The following PCDHA9 variants were observed in gnomAD, a reference collection of about 807,000 sequenced individuals.
The protein encoded by PCDHA9 is protocadherin alpha 9.
In PCDHA9, 62 loss-of-function variants were observed where a neutral mutation model predicts 62.0. That is an observed-to-expected ratio of 1.00 (90% CI 0.81 to 1.23). The LOEUF is 1.23. PCDHA9 is among the 50% of genes most tolerant of loss of function. PCDHA9 has a pLI of 0.00. For synonymous variants in PCDHA9, 557 were observed against 567.6 expected (o/e 0.98, Z 0.27); for missense variants, 1,205 against 1,249.8 (o/e 0.96, Z 0.54).
At chr5:140,957,107 G>A in intron 1 of PCDHA9, among the ~76,000 whole-genome samples, 1 of 152,092 alleles carries the variant, frequency 6.6e-6, no homozygotes, top group East Asian at 1.9e-4. Context: ...CTATGGACAT[G>A]ATTCTGTGTG....
chr5:140,967,873 C>T lies in PCDHA9; in HGVS notation c.2395-11076C>T, dbSNP rs1554230047. On this transcript the variant is annotated intron_variant, in intron 1 of 3. Transcript: ENST00000532602. ...ATGCCCCAGAGGTGGTGCTCACGGA[C>T]CTGTATAGCCCAGTGCCTGAGAATG... 1.9e-6 allele frequency: 3 copies of T among 1,614,152 alleles called. No homozygotes were observed. In the Admixed American group the frequency reaches 5.0e-5, roughly 27 times the overall value.
chr5:140,925,124 A>AGGAAGGAAGGAAGGAAGGAAGG, intron 1 of PCDHA9, among the ~76,000 whole-genome samples: 1 of 151,856 alleles, frequency 6.6e-6, no homozygotes, highest in South Asian at 2.1e-4. Flanking sequence ...GAAGGAAGGA[A>AGGAAGGAAGGAAGGAAGGAAGG]AAAAAATTTC....
rs782023174 is a variant in PCDHA9 at position 140,870,968 on chromosome 5, G to A, written c.2394+20079G>A. 39 of 1,613,492 alleles carry A rather than the reference G, an allele frequency of 2.4e-5. No homozygotes were observed. Among genetic ancestry groups the A allele is most frequent in the Admixed American group, 2.2e-4 (13 of 59,998 alleles). ...GCGGGCGGCTCGCGCATCCCGTTCC[G>A]CGTGGGGCTGTACACGGGCGAGATA... On this transcript the variant is annotated intron_variant, in intron 1 of 3. Transcript: ENST00000532602.
chr5:140,868,027 G>T (rs2050246308), intron 1 of PCDHA9: 1 of 151,988 alleles, frequency 6.6e-6, no homozygotes, highest in African/African-American at 2.4e-5. Context: ...AACCAATGTT[G>T]GTGACTTGGA....
At chr5:141,006,105 GT>G (rs79904017) in intron 3 of PCDHA9, among the ~76,000 whole-genome samples, 172 of 143,342 alleles carry the variant, frequency 1.2e-3, no homozygotes, top group East Asian at 2.0e-3. Context: ...ATGGTAAGGA[GT>G]TTTTTTTTTT....
chr5:140,883,179 C>A, intron 1 of PCDHA9: 4 of 1,613,776 alleles, frequency 2.5e-6, no homozygotes, highest in Non-Finnish European at 1.7e-6. Flanking sequence ...GAAATTAGGA[C>A]AAAAGGCAAA....
intron 1 of PCDHA9, chr5:140,856,366 G>A (rs1388631411): frequency 1.3e-6 from 2 of 1,598,482 alleles, no homozygotes; most frequent in Admixed American, 1.7e-5. Context: ...TCCACCTGGA[G>A]GTGATCGTGG....
At chr5:140,940,873 A>G (rs541083185) in intron 1 of PCDHA9, among the ~76,000 whole-genome samples, 10 of 152,352 alleles carry the variant, frequency 6.6e-5, no homozygotes, top group African/African-American at 2.4e-4. Context: ...CAGTGAGTGA[A>G]TACTACTGCT....
chr5:140,877,044 C>G (rs2056811009), intron 1 of PCDHA9: 2 of 1,612,634 alleles, frequency 1.2e-6, no homozygotes, highest in Non-Finnish European at 1.7e-6. Context: ...AGCCGCTAGA[C>G]CACGAGGAGC....
At chr5:140,868,592 C>T (rs1294333400) in intron 1 of PCDHA9, 1 of 152,974 alleles carries the variant, frequency 6.5e-6, no homozygotes, top group Non-Finnish European at 1.5e-5. Context: ...ATGTTTAACC[C>T]TAGTTTTTCA....
chr5:140,982,544 A>G lies in PCDHA9; in HGVS notation c.2523A>G (p.Thr841=), dbSNP rs781800144. 1.5e-5 allele frequency: 25 copies of G among 1,614,098 alleles called. No individual in the cohort carries two copies. Among genetic ancestry groups the G allele is most frequent in the Non-Finnish European group, 2.1e-5 (25 of 1,180,048 alleles). Residue 841 remains threonine (T), a synonymous_variant, in exon 3 of 4, where the codon ACA becomes ACG. Coordinates refer to ENST00000532602, the MANE Select transcript of PCDHA9 (RefSeq NM_031857.2). ...GAGGGCCTGATCAGCAGTGGCCAAC[A>G]GTATCCAGTGCAACACCAGGTAAAG... The part of the protein sequence containing the change: ...GPGGPDQQWP[T]VSSATPEPEA...
intron 3 of PCDHA9, among the ~76,000 whole-genome samples, chr5:141,008,824 T>C (rs1042258496): frequency 6.6e-6 from 1 of 152,186 alleles, no homozygotes; most frequent in African/African-American, 2.4e-5. Flanking sequence ...TACAACAGGA[T>C]TCCATCCTCT....
At chr5:140,881,085 A>G (rs1554171740) in intron 1 of PCDHA9, among the ~76,000 whole-genome samples, 1 of 152,156 alleles carries the variant, frequency 6.6e-6, no homozygotes, top group East Asian at 1.9e-4. Flanking sequence ...GCTATGATAT[A>G]TTTTTCATTA....
intron 1 of PCDHA9, among the ~76,000 whole-genome samples, chr5:140,888,497 A>C (rs2061848830): frequency 6.6e-6 from 1 of 152,250 alleles, no homozygotes; most frequent in Non-Finnish European, 1.5e-5. Flanking sequence ...ACTCTGCTTT[A>C]AAGAGTCTTG....
Position 140,928,713 on chromosome 5 carries a change from T to C in PCDHA9, c.2395-50236T>C, listed in dbSNP as rs535812769. The C allele has an allele frequency of 3.1e-6, 5 of 1,614,142 alleles. No individual in the cohort carries two copies. In the African/African-American group the frequency reaches 6.7e-5, roughly 22 times the overall value. ...ACATCTCCCGGGCGTCTGACTCTAG[T>C]CTCTTTAGAATTTCAGCCAATATAG... On this transcript the variant is annotated intron_variant, in intron 1 of 3. Coordinates refer to ENST00000532602, the MANE Select transcript of PCDHA9 (RefSeq NM_031857.2).
chr5:140,858,176 G>A, intron 1 of PCDHA9: 1 of 1,597,746 alleles, frequency 6.3e-7, no homozygotes, highest in Non-Finnish European at 8.6e-7. Flanking sequence ...CAGCTTGCTG[G>A]TGCTCACGCT....
At chr5:140,944,566 A>G (rs782290531) in intron 1 of PCDHA9, among the ~76,000 whole-genome samples, 37 of 152,182 alleles carry the variant, frequency 2.4e-4, no homozygotes, top group African/African-American at 7.5e-4. Context: ...CTGGCAACTT[A>G]CTGTAGAGAT....
rs182605806 is a variant in PCDHA9 at position 140,924,980 on chromosome 5, T to C, written c.2395-53969T>C. On this transcript the variant is annotated intron_variant, in intron 1 of 3. Transcript: ENST00000532602. ...TGCAAGGTGAGTGCAGTGGCTCATG[T>C]CTGTAATCCTAGCACTTTAGGAGGC... is the stretch of plus-strand genomic sequence containing the variant. Among the ~76,000 whole-genome samples, 408 of 150,900 alleles carry C rather than the reference T, an allele frequency of 2.7e-3. 2 individuals are homozygous for C. The highest frequency in any genetic ancestry group is 0.014 in the Middle Eastern group (4 of 288).
At chr5:140,943,718 C>G (rs2093552773) in intron 1 of PCDHA9, among the ~76,000 whole-genome samples, 1 of 152,020 alleles carries the variant, frequency 6.6e-6, no homozygotes, top group South Asian at 2.1e-4. Flanking sequence ...ATTTAAAGGT[C>G]TGAGAGAATG....
Sources: gnomAD v4.1 joint callset for allele counts (sites outside exome capture counted in the v4.1 genomes callset) on GRCh38, gnomAD v4.1.1 for gene constraint, MANE v1.5 for transcripts, NCBI Gene and HGNC (gene_info 2026-07-23, HGNC 2026-07-21) for gene names.